Variants in HADH observed in about 807,000 individuals in gnomAD.
The protein encoded by HADH is hydroxyacyl-CoA dehydrogenase, also known as hydroxyacyl-coenzyme A dehydrogenase, mitochondrial.
In HADH, 24 loss-of-function variants were observed where a neutral mutation model predicts 32.2. The ratio of observed to expected loss-of-function variants is 0.75; its 90% confidence interval spans 0.54 to 1.05. HADH has a LOEUF of 1.05. Among genes scored for constraint, HADH ranks in the 50% least tolerant of loss-of-function variants. The probability of loss-of-function intolerance (pLI) is 0.00; values close to 1 mark genes in which losing one functional copy is unlikely to be tolerated. For synonymous variants in HADH, 139 were observed against 152.5 expected (o/e 0.91, Z 0.65); for missense variants, 350 against 397.1 (o/e 0.88, Z 1.01).
chr4:107,994,522 T>G (rs189608429), intron 1 of HADH, among the ~76,000 whole-genome samples: 244 of 152,332 alleles, frequency 1.6e-3, no homozygotes, highest in African/African-American at 5.7e-3. Context: ...TCTCTTCTAC[T>G]GTGAGTACAG....
At position 108,009,814 on chromosome 4, in the gene HADH, T is replaced by C. The variant is rs1735421028; in HGVS notation, c.188T>C (p.Leu63Pro). ...TTGGTAGACCAGACAGAGGACATCC[T>C]GGCAAAATCCAAAAAGGGAATTGAG... is the stretch of plus-strand genomic sequence containing the variant. ...VVLVDQTEDI[L>P]AKSKKGIEES... Residue 63 changes from leucine (L) to proline (P), a missense_variant, in exon 2 of 8, where the codon CTG (leucine) becomes CCG (proline). Leu to Pro is a moderately conservative substitution (Grantham distance 98, BLOSUM62 -3). Transcript: ENST00000309522. The C allele has an allele frequency of 1.2e-6, 2 of 1,612,082 alleles. No individual in the cohort carries two copies. Among genetic ancestry groups the C allele is most frequent in the Non-Finnish European group, 1.7e-6 (2 of 1,178,138 alleles).
intron 5 of HADH, chr4:108,025,124 A>C (rs1578262377): frequency 6.6e-6 from 1 of 152,332 alleles, no homozygotes; most frequent in Non-Finnish European, 1.5e-5. Flanking sequence ...TAGCATGAAA[A>C]CAGCCATAGA....
intron 1 of HADH, among the ~76,000 whole-genome samples, chr4:107,993,599 A>C (rs1187014560): frequency 6.6e-6 from 1 of 152,184 alleles, no homozygotes; most frequent in Non-Finnish European, 1.5e-5. Flanking sequence ...AGCCTGATGC[A>C]TTTCTCAAGC....
intron 1 of HADH, among the ~76,000 whole-genome samples, chr4:107,997,937 G>C (rs1161529257): frequency 6.6e-6 from 1 of 152,170 alleles, no homozygotes; most frequent in Non-Finnish European, 1.5e-5. Flanking sequence ...AATTGTACTT[G>C]TTTCTCTGTA....
intron 1 of HADH, among the ~76,000 whole-genome samples, chr4:107,999,341 C>T (rs968615081): frequency 2.6e-5 from 4 of 152,180 alleles, no homozygotes; most frequent in Non-Finnish European, 5.9e-5. Context: ...TAGCAACTGC[C>T]CTACATTTCC....
chr4:107,993,608 G>A (rs576171908), intron 1 of HADH, among the ~76,000 whole-genome samples: 1 of 152,214 alleles, frequency 6.6e-6, no homozygotes, highest in African/African-American at 2.4e-5. Context: ...CATTTCTCAA[G>A]CAATTAAGCA....
intron 5 of HADH, chr4:108,024,232 C>CTT (rs1202540858): frequency 6.6e-6 from 1 of 152,266 alleles, no homozygotes; most frequent in African/African-American, 2.4e-5. Flanking sequence ...TCTCCATTTG[C>CTT]TTTAGTTCCT....
In HADH at chr4:108,009,883, T is replaced by C. The variant is rs4956145; in HGVS notation, c.257T>C (p.Leu86Pro). The change falls in exon 2 of 8, where the codon CTT becomes CCT. Residue 86 changes from leucine to proline, a missense_variant. By Grantham distance (98) the Leu-to-Pro change is moderately conservative. Coordinates refer to ENST00000309522, the MANE Select transcript of HADH (RefSeq NM_005327.7). The part of the protein sequence containing the change: ...KVAKKKFAEN[L>P]KAGDEFVEKT... ...GCAAAGAAGAAGTTTGCAGAAAACCTTAAGGTAATTTCTTATTATCGATGT... is the reference window on the plus strand; with the variant it reads ...GCAAAGAAGAAGTTTGCAGAAAACCCTAAGGTAATTTCTTATTATCGATGT... 1,469,797 of 1,607,364 alleles carry C rather than the reference T, an allele frequency of 0.91. 674,453 individuals are homozygous for C. Among genetic ancestry groups the C allele is most frequent in the East Asian group, 0.97 (43,434 of 44,842 alleles).
At chr4:107,990,183 G>C (rs1054850768) in intron 1 of HADH, 119 bp downstream of exon 1, 1 of 1,036,766 alleles carries the variant, frequency 9.6e-7, no homozygotes, top group African/African-American at 1.6e-5. Context: ...TTTTCACCCC[G>C]CGCCTCCCGG....
chr4:108,020,608 A>G (rs552233849), intron 4 of HADH, among the ~76,000 whole-genome samples: 20 of 152,324 alleles, frequency 1.3e-4, no homozygotes, highest in African/African-American at 4.3e-4. Flanking sequence ...GGAGACTCCA[A>G]TATGTTGGAG....
intron 6 of HADH, chr4:108,028,612 G>T (rs1341689171): frequency 8.0e-6 from 3 of 373,748 alleles, no homozygotes; most frequent in Non-Finnish European, 1.4e-5. Flanking sequence ...TTTTCTCTAT[G>T]GTTTATGGAA....
chr4:108,004,707 GA>G, intron 1 of HADH: 1 of 1,529,978 alleles, frequency 6.5e-7, no homozygotes, highest in Non-Finnish European at 8.7e-7. Flanking sequence ...ATTCTTTCAA[GA>G]AAGGAATGAA....
chr4:108,002,668 G>T (rs1373330011), intron 1 of HADH, among the ~76,000 whole-genome samples: 4 of 152,122 alleles, frequency 2.6e-5, no homozygotes, highest in Non-Finnish European at 5.9e-5. Flanking sequence ...AAAAAGGTTG[G>T]GGACCTTTGC....
chr4:108,003,324 C>T (rs914390447), intron 1 of HADH, among the ~76,000 whole-genome samples: 6 of 152,068 alleles, frequency 3.9e-5, no homozygotes, highest in Non-Finnish European at 7.4e-5. Flanking sequence ...GAACTTTCTC[C>T]GTCAAGTCCT....
At chr4:108,002,648 C>T (rs562995567) in intron 1 of HADH, among the ~76,000 whole-genome samples, 14 of 152,322 alleles carry the variant, frequency 9.2e-5, no homozygotes, top group Non-Finnish European at 1.8e-4. Flanking sequence ...CCCATGTCTT[C>T]CTGGTGCCAA....
chr4:108,008,725 G>T (rs140432774), intron 1 of HADH, among the ~76,000 whole-genome samples: 285 of 152,286 alleles, frequency 1.9e-3, no homozygotes, highest in African/African-American at 6.4e-3. Context: ...TTTGCAGGGG[G>T]CTTCTCAGAT....
At chr4:108,007,842 G>T (rs1735340318) in intron 1 of HADH, among the ~76,000 whole-genome samples, 1 of 152,200 alleles carries the variant, frequency 6.6e-6, no homozygotes, top group Non-Finnish European at 1.5e-5. Context: ...TGGGTCATGG[G>T]TTGGGCACTG....
At chr4:108,026,029 G>A (rs1018026645) in intron 5 of HADH, 1 of 152,074 alleles carries the variant, frequency 6.6e-6, no homozygotes, top group African/African-American at 2.4e-5. Flanking sequence ...TTGATTACTA[G>A]TGAGTTTATT....
chr4:108,008,407 G>A (rs1206550942), intron 1 of HADH, among the ~76,000 whole-genome samples: 3 of 152,234 alleles, frequency 2.0e-5, no homozygotes, highest in Admixed American at 6.5e-5. Flanking sequence ...TTCTCAGGGA[G>A]CCATGAGTGC....
Sources: gnomAD v4.1 joint callset for allele counts (sites outside exome capture counted in the v4.1 genomes callset) on GRCh38, gnomAD v4.1.1 for gene constraint, MANE v1.5 for transcripts, NCBI Gene and HGNC (gene_info 2026-07-23, HGNC 2026-07-21) for gene names.